Variants in TRPC1 observed in about 807,000 individuals in gnomAD.
The protein encoded by TRPC1 is transient receptor potential cation channel subfamily C member 1.
Under a neutral mutation model 88.2 loss-of-function variants are expected in TRPC1, and 42 were observed. That is an observed-to-expected ratio of 0.48 (90% confidence interval 0.37 to 0.62). The LOEUF (loss-of-function observed/expected upper bound fraction) is 0.62. Among genes scored for constraint, TRPC1 ranks in the 20% least tolerant of loss-of-function variants. The pLI is 0.00. For missense variants in TRPC1, 699 were observed against 957.3 expected, an observed-to-expected ratio of 0.73 and a Z score of 3.56; for synonymous variants, 288 against 331.8, an observed-to-expected ratio of 0.87 and a Z score of 1.43.
At position 142,763,235 on chromosome 3, in the gene TRPC1, A is replaced by G. The variant is rs143379677; in HGVS notation, c.633-14397A>G. On this transcript the variant is annotated intron_variant, in intron 4 of 12. Coordinates refer to ENST00000476941, the MANE Select transcript of TRPC1 (RefSeq NM_001251845.2). ...CTCTTTCTTTGTTGATTTTCTGTCT[A>G]GATGATTTGTCTATTACTAGAGTGG... 2.0e-5 allele frequency among the ~76,000 whole-genome samples: 3 copies of G among 152,190 alleles called. No homozygotes were observed. In the East Asian group the frequency reaches 5.8e-4, roughly 29 times the overall value.
chr3:142,800,849 C>T (rs773895615), intron 9 of TRPC1, among the ~76,000 whole-genome samples: 10 of 149,502 alleles, frequency 6.7e-5, no homozygotes, highest in Non-Finnish European at 1.3e-4. Flanking sequence ...ACTTGGGAGG[C>T]GGAGGTTTGT....
At position 142,804,045 on chromosome 3, in the gene TRPC1, CA is replaced by C; in HGVS notation, c.1828del (p.Arg610AspfsTer25). ...TTAGCGCATGTGGCAATCTTTGTCACAAGATTTAGCTATGGAGAAGAACTGC... is the reference window on the plus strand; with the variant it reads ...TTAGCGCATGTGGCAATCTTTGTCACAGATTTAGCTATGGAGAAGAACTGC... ...FSLAHVAIFV[T>X]RFSYGEELQS... On this transcript the variant is annotated frameshift_variant, in exon 11 of 13. Coordinates refer to ENST00000476941, the MANE Select transcript of TRPC1 (RefSeq NM_001251845.2). LOFTEE classifies it high-confidence loss of function. 6.2e-7 allele frequency: 1 copy of C among 1,613,744 alleles called. No individual in the cohort carries two copies. Among genetic ancestry groups the C allele is most frequent in the Non-Finnish European group, 8.5e-7 (1 of 1,179,828 alleles).
intron 7 of TRPC1, among the ~76,000 whole-genome samples, chr3:142,788,647 A>G (rs1936205589): frequency 1.3e-5 from 2 of 152,264 alleles, no homozygotes; most frequent in South Asian, 4.1e-4. Flanking sequence ...GTGAGACACA[A>G]GGAGAAAGAT....
intron 4 of TRPC1, among the ~76,000 whole-genome samples, chr3:142,757,799 C>T (rs927320408): frequency 8.6e-5 from 13 of 151,974 alleles, no homozygotes; most frequent in African/African-American, 3.1e-4. Flanking sequence ...TAGCCCAGAA[C>T]TTAAAGTATA....
At chr3:142,754,171 C>G (rs1934879183) in intron 4 of TRPC1, among the ~76,000 whole-genome samples, 1 of 150,804 alleles carries the variant, frequency 6.6e-6, no homozygotes, top group South Asian at 2.1e-4. Flanking sequence ...GTAATATTTC[C>G]TAATGGGCCA....
At chr3:142,752,629 G>T (rs1215833322) in intron 4 of TRPC1, among the ~76,000 whole-genome samples, 1 of 152,000 alleles carries the variant, frequency 6.6e-6, no homozygotes, top group Non-Finnish European at 1.5e-5. Context: ...CCCTTTACGG[G>T]TGTAGGGCTG....
intron 7 of TRPC1, among the ~76,000 whole-genome samples, chr3:142,790,541 A>G (rs1339993102): frequency 6.6e-6 from 1 of 152,186 alleles, no homozygotes; most frequent in African/African-American, 2.4e-5. Flanking sequence ...CATGTAGATG[A>G]TATTTAAAGC....
intron 4 of TRPC1, among the ~76,000 whole-genome samples, chr3:142,766,912 C>A (rs1935413543): frequency 1.3e-5 from 2 of 152,164 alleles, no homozygotes; most frequent in Admixed American, 1.3e-4. Flanking sequence ...ATTTTAAAAT[C>A]TTTTTCTTGA....
At chr3:142,761,399 C>T (rs1479393715) in intron 4 of TRPC1, among the ~76,000 whole-genome samples, 3 of 152,162 alleles carry the variant, frequency 2.0e-5, no homozygotes, top group Non-Finnish European at 4.4e-5. Flanking sequence ...TTGAATCATT[C>T]TTGCATCTCT....
At chr3:142,727,584 G>C (rs1169747399) in intron 1 of TRPC1, among the ~76,000 whole-genome samples, 1 of 152,194 alleles carries the variant, frequency 6.6e-6, no homozygotes, top group Non-Finnish European at 1.5e-5. Flanking sequence ...CATAGTGGGT[G>C]AGGATCATCT....
chr3:142,763,959 AATATATATATATATATAT>A (rs1159520441), intron 4 of TRPC1, among the ~76,000 whole-genome samples: 18 of 76,316 alleles, frequency 2.4e-4, no homozygotes, highest in Non-Finnish European at 4.3e-4. Context: ...AAAAAAAAGA[AATATATATATATATATAT>A]ATATATACAC....
Position 142,724,778 on chromosome 3 carries a change from C to T in TRPC1, c.172+47C>T. The T allele has an allele frequency of 6.8e-7, 1 of 1,468,506 alleles. No individual in the cohort carries two copies. Among genetic ancestry groups the T allele is most frequent in the Non-Finnish European group, 9.1e-7 (1 of 1,101,526 alleles). 91.0% of individuals were successfully genotyped at this position (1,468,506 alleles called of 1,614,324 possible). A position where few individuals can be genotyped will look rare whatever the true frequency, so the allele number is the denominator to read the frequency against. Reference sequence around the variant, plus strand: ...CCTCTGGACGCCCCTGTCCTCCAGACCTTTAGTCCTCTCCCCCGCCTCAAC... The same window carrying T: ...CCTCTGGACGCCCCTGTCCTCCAGATCTTTAGTCCTCTCCCCCGCCTCAAC... On this transcript the variant is annotated intron_variant, in intron 1 of 12. Coordinates refer to ENST00000476941, the MANE Select transcript of TRPC1 (RefSeq NM_001251845.2). This position sits in a 1 kb window ranked among gnomAD's most constrained non-coding sequence, Gnocchi z 5.6.
At chr3:142,736,290 TTTTAA>T (rs1370830034) in intron 1 of TRPC1, 84 bp from the exon 2 acceptor site, 1 of 1,044,986 alleles carries the variant, frequency 9.6e-7, no homozygotes, top group African/African-American at 1.6e-5. Context: ...GCTTTTAATC[TTTTAA>T]TTCAACAAGC....
At chr3:142,758,016 A>G (rs1418270993) in intron 4 of TRPC1, among the ~76,000 whole-genome samples, 1 of 152,172 alleles carries the variant, frequency 6.6e-6, no homozygotes. Context: ...CAATTAAATT[A>G]TGGACTATAG....
chr3:142,732,221 C>T (rs1427524848), intron 1 of TRPC1, among the ~76,000 whole-genome samples: 2 of 152,060 alleles, frequency 1.3e-5, no homozygotes, highest in Admixed American at 6.6e-5. Context: ...GTGAATCCCA[C>T]CTGAGTTTGC....
chr3:142,731,345 C>A (rs368653070), intron 1 of TRPC1, among the ~76,000 whole-genome samples: 1 of 145,146 alleles, frequency 6.9e-6, no homozygotes, highest in East Asian at 2.0e-4. Flanking sequence ...ATAGAAAAAT[C>A]ACAAAGTTTG....
chr3:142,729,415 G>A (rs939172134), intron 1 of TRPC1, among the ~76,000 whole-genome samples: 3 of 152,034 alleles, frequency 2.0e-5, no homozygotes, highest in Admixed American at 6.6e-5. Context: ...GTGCTCTAGC[G>A]AGGAGAAGTA....
chr3:142,805,129 TAC>T (rs71153991), intron 12 of TRPC1, among the ~76,000 whole-genome samples: 5,829 of 95,078 alleles, frequency 0.061, 116 homozygotes, highest in African/African-American at 0.1. Flanking sequence ...AATATATATA[TAC>T]ACACACACAC....
At chr3:142,728,157 A>T (rs1209362211) in intron 1 of TRPC1, among the ~76,000 whole-genome samples, 1 of 152,070 alleles carries the variant, frequency 6.6e-6, no homozygotes, top group Non-Finnish European at 1.5e-5. Context: ...AGGAAATCTG[A>T]TGTGCGGTAA....
Sources: gnomAD v4.1 joint callset for allele counts (sites outside exome capture counted in the v4.1 genomes callset) on GRCh38, gnomAD v4.1.1 for gene constraint, Gnocchi (gnomAD v3.1) non-coding constraint, MANE v1.5 for transcripts, NCBI Gene and HGNC (gene_info 2026-07-23, HGNC 2026-07-21) for gene names.